RNF135: variants seen among roughly 807,000 people sequenced by gnomAD.
The protein encoded by RNF135 is E3 ubiquitin-protein ligase RNF135.
Under a neutral mutation model 41.9 loss-of-function variants are expected in RNF135, and 46 were observed. The ratio of observed to expected loss-of-function variants is 1.10; its 90% confidence interval spans 0.87 to 1.40. The LOEUF is 1.40. Ranked by LOEUF, RNF135 falls within the 40% of genes most tolerant of loss-of-function variation. RNF135 has a pLI of 0.00. For missense variants in RNF135, 539 were observed against 549.8 expected, an observed-to-expected ratio of 0.98 and a Z score of 0.20; for synonymous variants, 238 against 223.8, an observed-to-expected ratio of 1.06 and a Z score of -0.57.
intron 3 of RNF135, among the ~76,000 whole-genome samples, chr17:30,995,422 GTC>G (rs1248343924): frequency 6.6e-6 from 1 of 151,980 alleles, no homozygotes; most frequent in Non-Finnish European, 1.5e-5. Context: ...TAGAGACAGG[GTC>G]TCATTATGTT....
the RNF135 span, among the ~76,000 whole-genome samples, chr17:30,961,194 A>C: frequency 6.6e-6 from 1 of 152,188 alleles, no homozygotes; most frequent in Non-Finnish European, 1.5e-5. Context: ...GCTGCTTAGC[A>C]ATAAAAAGGA....
chr17:30,979,494 AC>A (rs1385343131), intron 1 of RNF135, among the ~76,000 whole-genome samples: 3 of 30,816 alleles, frequency 9.7e-5, no homozygotes, highest in African/African-American at 3.3e-4. Flanking sequence ...AGGGGGGCTG[AC>A]CCCCCCCACC....
intron 3 of RNF135, among the ~76,000 whole-genome samples, chr17:30,994,713 G>C (rs993711942): frequency 1.3e-5 from 2 of 148,444 alleles, no homozygotes; most frequent in African/African-American, 2.5e-5. Flanking sequence ...GGCTCACTGC[G>C]ACCTCTGGCT....
intron 1 of RNF135, chr17:30,971,762 C>T: frequency 8.5e-7 from 1 of 1,172,126 alleles, no homozygotes; most frequent in East Asian, 4.3e-5. Flanking sequence ...ATCTATATAA[C>T]ATTAAAACTG....
chr17:30,984,902 A>T, intron 2 of RNF135, 142 bp downstream of exon 2: 1 of 1,014,092 alleles, frequency 9.9e-7, no homozygotes, highest in Non-Finnish European at 1.5e-6. Context: ...CCAGACATGG[A>T]TGATTGGACA....
chr17:30,980,384 G>T (rs552895859), intron 1 of RNF135: 1 of 145,232 alleles, frequency 6.9e-6, no homozygotes, highest in Non-Finnish European at 1.5e-5. Context: ...CGGGCAGAGG[G>T]GCTCCTCACT....
At chr17:30,962,555 T>C in the RNF135 span, among the ~76,000 whole-genome samples, 1 of 152,162 alleles carries the variant, frequency 6.6e-6, no homozygotes, top group Non-Finnish European at 1.5e-5. Flanking sequence ...AAGCTCCGCC[T>C]CTTGGGTTCA....
At chr17:30,977,897 T>G (rs996314207) in intron 1 of RNF135, among the ~76,000 whole-genome samples, 1 of 152,230 alleles carries the variant, frequency 6.6e-6, no homozygotes, top group Admixed American at 6.5e-5. Flanking sequence ...AAGTATTCCC[T>G]TTAGCATTTC....
chr17:30,979,246 C>A (rs1436070105), intron 1 of RNF135: 106 of 146,404 alleles, frequency 7.2e-4, no homozygotes, highest in South Asian at 5.9e-3. Flanking sequence ...GCTGACCCCC[C>A]CCCCCACCCT....
intron 1 of RNF135, among the ~76,000 whole-genome samples, chr17:30,981,437 T>G (rs1200706496): frequency 1.3e-5 from 2 of 152,232 alleles, no homozygotes; most frequent in Admixed American, 6.5e-5. Flanking sequence ...ATTTACCTGA[T>G]AGAATTCTGA....
Position 30,999,251 on chromosome 17 carries a change from G to A in RNF135, c.*60G>A. 6.4e-7 allele frequency: 1 copy of A among 1,567,624 alleles called. No individual in the cohort carries two copies. Among genetic ancestry groups the A allele is most frequent in the Non-Finnish European group, 8.7e-7 (1 of 1,148,512 alleles). Reference sequence around the variant, plus strand: ...GGTCTCTCTCCCTGTCATCAATCAGGGTAGTAACTTGACTTAAGAATACCA... The same window carrying A: ...GGTCTCTCTCCCTGTCATCAATCAGAGTAGTAACTTGACTTAAGAATACCA... On this transcript the variant is annotated 3_prime_UTR_variant, in exon 5 of 5. Coordinates refer to ENST00000328381, the MANE Select transcript of RNF135 (RefSeq NM_032322.4).
Position 30,997,321 on chromosome 17 carries a change from G to T in RNF135, c.759G>T (p.Arg253=), listed in dbSNP as rs777819460. The T allele has an allele frequency of 7.4e-6, 12 of 1,613,886 alleles. No individual in the cohort carries two copies. The highest frequency in any genetic ancestry group is 1.7e-5 in the Admixed American group (1 of 59,982). The part of the protein sequence containing the change: ...QSHPALRRAS[R]FAQWAIHPTF... ...ACCCTGCACTCAGGAGAGCTTCTCG[G>T]TTTGCTCAGTGTAAGTATGTGGTCC... Residue 253 remains arginine (R), a synonymous_variant, in exon 4 of 5, where the codon CGG becomes CGT. Transcript: ENST00000328381.
chr17:30,979,665 T>TC lies in RNF135; in HGVS notation c.373-4945dup, dbSNP rs1241966199. Among the ~76,000 whole-genome samples the TC allele has an allele frequency of 2.9e-4, 19 of 66,528 alleles. No homozygotes were observed. In the East Asian group the frequency reaches 6.6e-3, roughly 23 times the overall value. 43.6% of individuals were successfully genotyped at this position (66,528 alleles called of 152,430 possible). A position where few individuals can be genotyped will look rare whatever the true frequency, so the allele number is the denominator to read the frequency against. On this transcript the variant is annotated intron_variant, in intron 1 of 4. Transcript: ENST00000328381. The stretch of plus-strand genomic sequence containing the variant: ...GGCGGCTGGCCAGGCGGGGGGCTGA[T>TC]CCCCCCCACCTCCCTCCCGGACGGG...
intron 3 of RNF135, among the ~76,000 whole-genome samples, chr17:30,994,158 G>C (rs1908179682): frequency 6.6e-6 from 1 of 152,142 alleles, no homozygotes; most frequent in South Asian, 2.1e-4. Flanking sequence ...CAGCAAAATA[G>C]GAGAACAGTG....
At chr17:30,984,573 T>C (rs1598092205) in intron 1 of RNF135, 44 bp from the exon 2 acceptor site, 2 of 1,612,200 alleles carry the variant, frequency 1.2e-6, no homozygotes, top group Non-Finnish European at 1.7e-6. Flanking sequence ...GGTTCCTGGG[T>C]CCAGTTTTAT....
At chr17:30,964,988 T>C in the RNF135 span, 2 of 152,164 alleles carry the variant, frequency 1.3e-5, no homozygotes, top group Admixed American at 1.3e-4. Flanking sequence ...CTGGCTCTGA[T>C]TTTTTAAATC....
At chr17:30,962,327 T>C in the RNF135 span, among the ~76,000 whole-genome samples, 2 of 151,976 alleles carry the variant, frequency 1.3e-5, no homozygotes, top group Non-Finnish European at 2.9e-5. Flanking sequence ...AGATATGAGG[T>C]TTCACCATGT....
chr17:30,961,426 G>A, the RNF135 span, among the ~76,000 whole-genome samples: 6 of 151,834 alleles, frequency 4.0e-5, no homozygotes, highest in African/African-American at 9.7e-5. Context: ...CAAACTTTGC[G>A]GTTCACCTCC....
At chr17:30,985,010 A>G (rs1227066542) in intron 2 of RNF135, among the ~76,000 whole-genome samples, 1 of 152,112 alleles carries the variant, frequency 6.6e-6, no homozygotes, top group African/African-American at 2.4e-5. Context: ...TCTGTGTATA[A>G]CGTTCTGGTG....
Sources: gnomAD v4.1 joint callset for allele counts (sites outside exome capture counted in the v4.1 genomes callset) on GRCh38, gnomAD v4.1.1 for gene constraint, MANE v1.5 for transcripts, NCBI Gene and HGNC (gene_info 2026-07-23, HGNC 2026-07-21) for gene names.